The following KANSL1L variants were observed in gnomAD, a reference collection of about 807,000 sequenced individuals.
The protein encoded by KANSL1L is KAT8 regulatory NSL complex subunit 1 like, also known as KAT8 regulatory NSL complex subunit 1-like protein.
A neutral mutation model predicts 108.6 loss-of-function variants in KANSL1L; 25 were observed. The ratio of observed to expected loss-of-function variants is 0.23; its 90% confidence interval spans 0.17 to 0.32. The LOEUF (loss-of-function observed/expected upper bound fraction) is 0.32, where lower values mean the gene tolerates loss of function less well. Ranked by LOEUF, KANSL1L falls within the 10% of genes least tolerant of loss-of-function variation. The probability of loss-of-function intolerance (pLI) is 1.00; values close to 1 mark genes in which losing one functional copy is unlikely to be tolerated. For missense variants in KANSL1L, 1,137 were observed against 1,125.7 expected (o/e 1.01, Z -0.14); for synonymous variants, 405 against 395.1 (o/e 1.03, Z -0.30).
chr2:210,132,869 T>C (rs1009743348), intron 2 of KANSL1L, among the ~76,000 whole-genome samples: 1 of 152,222 alleles, frequency 6.6e-6, no homozygotes, highest in African/African-American at 2.4e-5. Context: ...AAGGAATTTA[T>C]GTAGGACTGG....
chr2:210,024,584 T>C (rs2093909663), intron 13 of KANSL1L, among the ~76,000 whole-genome samples: 1 of 152,106 alleles, frequency 6.6e-6, no homozygotes, highest in African/African-American at 2.4e-5. Context: ...AAATATAAAA[T>C]AGGAATTTTC....
intron 4 of KANSL1L, among the ~76,000 whole-genome samples, chr2:210,101,977 TAAA>T (rs2094798045): frequency 6.6e-6 from 1 of 152,134 alleles, no homozygotes; most frequent in South Asian, 2.1e-4. Flanking sequence ...AGCTTTAAAG[TAAA>T]AAAGTCCTAG....
chr2:210,124,722 G>C (rs1166170373), intron 3 of KANSL1L, among the ~76,000 whole-genome samples: 1 of 151,932 alleles, frequency 6.6e-6, no homozygotes, highest in Non-Finnish European at 1.5e-5. Context: ...TGGATTCTTT[G>C]AAAGCATCAA....
intron 6 of KANSL1L, among the ~76,000 whole-genome samples, chr2:210,056,327 A>G (rs1390006987): frequency 6.6e-6 from 1 of 152,186 alleles, no homozygotes; most frequent in Non-Finnish European, 1.5e-5. Flanking sequence ...TGCACTGTAA[A>G]AGGAACCAAA....
At chr2:210,121,408 T>C (rs1483741228) in intron 3 of KANSL1L, among the ~76,000 whole-genome samples, 5 of 152,024 alleles carry the variant, frequency 3.3e-5, no homozygotes, top group African/African-American at 4.8e-5. Context: ...GAAAACCAAA[T>C]ATCGCATGTT....
chr2:210,160,967 C>A (rs904139723), intron 1 of KANSL1L, among the ~76,000 whole-genome samples: 1 of 151,496 alleles, frequency 6.6e-6, no homozygotes, highest in African/African-American at 2.4e-5. Flanking sequence ...CAGGAACAGA[C>A]CCACGCACAT....
At chr2:210,152,623 A>G (rs2095310731) in intron 2 of KANSL1L, 1 of 152,262 alleles carries the variant, frequency 6.6e-6, no homozygotes, top group African/African-American at 2.4e-5. Context: ...TAAGCATTCA[A>G]TAGATATCTT....
At chr2:210,150,169 T>G (rs1416930448) in intron 2 of KANSL1L, among the ~76,000 whole-genome samples, 1 of 152,114 alleles carries the variant, frequency 6.6e-6, no homozygotes, top group Non-Finnish European at 1.5e-5. Flanking sequence ...TTAAAATTTA[T>G]GTCTACAGTC....
chr2:210,023,816 A>G (rs564833763), intron 14 of KANSL1L, among the ~76,000 whole-genome samples: 1 of 152,316 alleles, frequency 6.6e-6, no homozygotes, highest in Non-Finnish European at 1.5e-5. Flanking sequence ...CCACTCTCTA[A>G]TAGATAAATA....
At chr2:210,144,189 C>A (rs2095249859) in intron 2 of KANSL1L, among the ~76,000 whole-genome samples, 1 of 152,132 alleles carries the variant, frequency 6.6e-6, no homozygotes, top group Admixed American at 6.6e-5. Flanking sequence ...TAGAAATGTG[C>A]AGATAACTTC....
chr2:210,143,034 G>A (rs2095241197), intron 2 of KANSL1L, among the ~76,000 whole-genome samples: 1 of 151,974 alleles, frequency 6.6e-6, no homozygotes. Flanking sequence ...TATTGAAAGT[G>A]GGGTATTAAA....
At chr2:210,085,766 T>C (rs1277975678) in intron 5 of KANSL1L, among the ~76,000 whole-genome samples, 1 of 151,648 alleles carries the variant, frequency 6.6e-6, no homozygotes, top group Non-Finnish European at 1.5e-5. Context: ...ATATATTTTC[T>C]ACATACATAA....
intron 6 of KANSL1L, among the ~76,000 whole-genome samples, chr2:210,051,144 A>T (rs1355918143): frequency 6.6e-6 from 1 of 152,084 alleles, no homozygotes; most frequent in African/African-American, 2.4e-5. Context: ...GCTATGGAGA[A>T]CTCATTCTGG....
chr2:210,171,343 G>A lies in KANSL1L; in HGVS notation c.-224C>T. 6.1e-6 allele frequency: 1 copy of A among 164,072 alleles called. No homozygotes were observed. The allele number at this position is 164,072 out of a possible 1,614,324, so 10.2% of individuals were successfully genotyped here. A position where few individuals can be genotyped will look rare whatever the true frequency, so the allele number is the denominator to read the frequency against. On this transcript the variant is annotated 5_prime_UTR_variant, in exon 1 of 15. Coordinates refer to ENST00000281772, the MANE Select transcript of KANSL1L (RefSeq NM_152519.4). Reference sequence around the variant, plus strand: ...CCGCCGCCGCCGCCGCCGCCGCCGCGGTTTAACAGTCCGCCCGCTGCCCGC... The same window carrying A: ...CCGCCGCCGCCGCCGCCGCCGCCGCAGTTTAACAGTCCGCCCGCTGCCCGC...
At chr2:210,148,725 A>AGCG (rs2095282434) in intron 2 of KANSL1L, among the ~76,000 whole-genome samples, 1 of 152,146 alleles carries the variant, frequency 6.6e-6, no homozygotes, top group Non-Finnish European at 1.5e-5. Flanking sequence ...TTTTTGGAGG[A>AGCG]AAAGTAACAA....
intron 6 of KANSL1L, among the ~76,000 whole-genome samples, chr2:210,062,597 G>A (rs1212396275): frequency 2.0e-5 from 3 of 152,154 alleles, no homozygotes; most frequent in African/African-American, 7.2e-5. Flanking sequence ...TCCAGGCTGA[G>A]GTAGTCTCAG....
chr2:210,159,849 A>G (rs994942190), intron 1 of KANSL1L, among the ~76,000 whole-genome samples: 5 of 152,038 alleles, frequency 3.3e-5, no homozygotes, highest in East Asian at 3.9e-4. Flanking sequence ...TCCTGACTAA[A>G]AAGGTGAAAC....
chr2:210,149,766 AATGTT>A (rs1354730455), intron 2 of KANSL1L, among the ~76,000 whole-genome samples: 1 of 152,066 alleles, frequency 6.6e-6, no homozygotes, highest in Non-Finnish European at 1.5e-5. Flanking sequence ...AAATTAATAT[AATGTT>A]GAGTACAGTC....
chr2:210,025,620 A>G (rs564839923), intron 12 of KANSL1L, among the ~76,000 whole-genome samples: 181 of 152,374 alleles, frequency 1.2e-3, no homozygotes, highest in Admixed American at 3.9e-3. Context: ...GAAGCAAACT[A>G]AAATAAATGC....
Sources: allele counts gnomAD v4.1 joint callset (sites outside exome capture counted in the v4.1 genomes callset), GRCh38; gene constraint gnomAD v4.1.1; transcripts MANE v1.5; gene names NCBI Gene and HGNC (gene_info 2026-07-23, HGNC 2026-07-21).